Variants in JAKMIP3 observed in about 807,000 individuals in gnomAD.
The protein encoded by JAKMIP3 is Janus kinase and microtubule interacting protein 3.
JAKMIP3 carries 58 observed loss-of-function variants against 118.5 expected under a neutral mutation model. The ratio of observed to expected loss-of-function variants is 0.49; its 90% CI spans 0.40 to 0.61. The LOEUF (loss-of-function observed/expected upper bound fraction) is 0.61, where lower values mean the gene tolerates loss of function less well. Among genes scored for constraint, JAKMIP3 ranks in the 20% least tolerant of loss-of-function variants. JAKMIP3 has a pLI of 0.00. For synonymous variants in JAKMIP3, 486 were observed against 451.2 expected, an observed-to-expected ratio of 1.08 and a Z score of -0.98; for missense variants, 950 against 1,109.0, an observed-to-expected ratio of 0.86 and a Z score of 2.04.
chr10:132,152,659 G>T (rs1302084918), intron 16 of JAKMIP3, among the ~76,000 whole-genome samples: 1 of 152,204 alleles, frequency 6.6e-6, no homozygotes, highest in Non-Finnish European at 1.5e-5. Flanking sequence ...TGTATTGGTG[G>T]CCTGCCTGCA....
intron 23 of JAKMIP3, among the ~76,000 whole-genome samples, chr10:132,169,534 C>CG (rs1444152442): frequency 6.6e-6 from 1 of 152,106 alleles, no homozygotes; most frequent in East Asian, 1.9e-4. Flanking sequence ...TCCTCGCCAG[C>CG]GGGGTTCCCT....
intron 4 of JAKMIP3, among the ~76,000 whole-genome samples, chr10:132,133,732 C>T (rs1449772143): frequency 6.6e-6 from 1 of 152,246 alleles, no homozygotes; most frequent in Non-Finnish European, 1.5e-5. Flanking sequence ...GGACTCGTCT[C>T]CTTCCTTTCT....
rs533492134 is a variant in JAKMIP3, at chr10:132,129,525, A to G, written c.634-3787A>G. On this transcript the variant is annotated intron_variant, in intron 3 of 23. Coordinates refer to ENST00000684848, the MANE Select transcript of JAKMIP3 (RefSeq NM_001323087.2). Reference sequence around the variant, plus strand: ...CCCAGCTGCTGTGGCAGCCCCAACCAAATTCTGATCTTAGTGTCCTGCAAC... The same window carrying G: ...CCCAGCTGCTGTGGCAGCCCCAACCGAATTCTGATCTTAGTGTCCTGCAAC... Among the ~76,000 whole-genome samples, 4 of 152,190 alleles carry G rather than the reference A, an allele frequency of 2.6e-5. No individual in the cohort carries two copies. The East Asian group carries it at 7.7e-4, about 29-fold the overall frequency.
chr10:132,071,787 C>T (rs1314884080), intron 1 of JAKMIP3, among the ~76,000 whole-genome samples: 5 of 145,158 alleles, frequency 3.4e-5, no homozygotes, highest in African/African-American at 1.3e-4. Flanking sequence ...TTCTTTCTTT[C>T]CTTCCTTCCT....
rs1198227304 is a variant in JAKMIP3 at position 132,168,470 on chromosome 10, C to A, written c.*540C>A. On this transcript the variant is annotated 3_prime_UTR_variant, in exon 23 of 24. Coordinates refer to ENST00000684848, the MANE Select transcript of JAKMIP3 (RefSeq NM_001323087.2). ...CCCTGGGATGGTCCTGGGAGGGCTC[C>A]CCGACGCCTCAGGGGCCCCTCCGAT... 2.6e-6 allele frequency: 3 copies of A among 1,164,496 alleles called. No individual in the cohort carries two copies. The highest frequency in any genetic ancestry group is 3.4e-6 in the Non-Finnish European group (3 of 891,114). The allele number at this position is 1,164,496 out of a possible 1,614,324, so 72.1% of individuals were successfully genotyped here.
At chr10:132,123,250 T>C (rs1324864486) in intron 3 of JAKMIP3, among the ~76,000 whole-genome samples, 1 of 152,174 alleles carries the variant, frequency 6.6e-6, no homozygotes, top group Non-Finnish European at 1.5e-5. Flanking sequence ...GCGTGGCAGA[T>C]CTGTGCCATG....
At chr10:132,093,719 C>T (rs969417477) in intron 1 of JAKMIP3, among the ~76,000 whole-genome samples, 4 of 152,134 alleles carry the variant, frequency 2.6e-5, no homozygotes, top group African/African-American at 7.2e-5. Flanking sequence ...CTTCGGCTCA[C>T]GTTCGGTGGG....
intron 1 of JAKMIP3, among the ~76,000 whole-genome samples, chr10:132,091,401 G>T (rs541916490): frequency 8.9e-4 from 135 of 152,210 alleles, no homozygotes; most frequent in African/African-American, 3.1e-3. Context: ...TATTGTGTGG[G>T]AGTCTAAGTC....
At position 132,182,979 on chromosome 10, in the gene JAKMIP3, C is replaced by A. The variant is rs527980101; in HGVS notation, c.*1726C>A. On this transcript the variant is annotated 3_prime_UTR_variant, in exon 24 of 24. Coordinates refer to ENST00000684848, the MANE Select transcript of JAKMIP3 (RefSeq NM_001323087.2). ...TTCTGTTGTCATTCAAGCCACAGTT[C>A]CTGATTTACTCGGCAAGATACTGGG... 6.6e-6 allele frequency: 1 copy of A among 152,294 alleles called. No homozygotes were observed. The highest frequency in any genetic ancestry group is 1.9e-4 in the East Asian group (1 of 5,190). The allele number at this position is 152,294 out of a possible 1,614,324, so 9.4% of individuals were successfully genotyped here.
At chr10:132,147,091 G>A (rs1266444649) in intron 13 of JAKMIP3, among the ~76,000 whole-genome samples, 3 of 152,228 alleles carry the variant, frequency 2.0e-5, no homozygotes, top group African/African-American at 7.2e-5. Context: ...CTTTTTTCTG[G>A]CTACACTGGG....
intron 1 of JAKMIP3, among the ~76,000 whole-genome samples, chr10:132,097,129 G>A (rs1227187855): frequency 6.6e-6 from 1 of 152,248 alleles, no homozygotes; most frequent in East Asian, 1.9e-4. Flanking sequence ...ACCAAATACA[G>A]GCAAAGGTGT....
intron 10 of JAKMIP3, among the ~76,000 whole-genome samples, chr10:132,140,863 T>C (rs1037446636): frequency 1.3e-5 from 2 of 152,220 alleles, no homozygotes; most frequent in Admixed American, 6.5e-5. Flanking sequence ...CTTCTGCCAC[T>C]GAGCCTACGC....
intron 3 of JAKMIP3, among the ~76,000 whole-genome samples, chr10:132,120,137 C>T (rs1285087342): frequency 6.6e-6 from 1 of 152,240 alleles, no homozygotes; most frequent in Non-Finnish European, 1.5e-5. Context: ...GAAATCTTCT[C>T]TTGCCTATTT....
intron 5 of JAKMIP3, 122 bp downstream of exon 5, chr10:132,135,282 C>A: frequency 1.0e-6 from 1 of 980,616 alleles, no homozygotes; most frequent in Non-Finnish European, 1.5e-6. Flanking sequence ...ACCGGCCTTG[C>A]GTCGAAGTCT....
At chr10:132,173,704 G>A (rs1565007223) in intron 23 of JAKMIP3, among the ~76,000 whole-genome samples, 1 of 130,706 alleles carries the variant, frequency 7.7e-6, no homozygotes, top group African/African-American at 2.6e-5. Flanking sequence ...GTGGCCTGTG[G>A]TATGTTCATG....
At chr10:132,154,121 A>G in intron 19 of JAKMIP3, 131 bp downstream of exon 19, 2 of 706,150 alleles carry the variant, frequency 2.8e-6, no homozygotes, top group Admixed American at 2.6e-5. Context: ...GCCCCTAATG[A>G]CACCTGCACA....
intron 16 of JAKMIP3, among the ~76,000 whole-genome samples, chr10:132,151,196 A>G (rs1413026384): frequency 2.0e-5 from 3 of 151,964 alleles, no homozygotes; most frequent in Admixed American, 6.6e-5. Flanking sequence ...TAATTTATCT[A>G]TGCATCCTCC....
intron 3 of JAKMIP3, among the ~76,000 whole-genome samples, chr10:132,128,544 A>C (rs1254693790): frequency 2.0e-5 from 3 of 152,186 alleles, no homozygotes; most frequent in Non-Finnish European, 2.9e-5. Context: ...TATGTTAGAC[A>C]CTTTGACTAT....
At chr10:132,180,836 C>T (rs926580338) in intron 23 of JAKMIP3, among the ~76,000 whole-genome samples, 2 of 148,892 alleles carry the variant, frequency 1.3e-5, no homozygotes, top group African/African-American at 2.5e-5. Context: ...GTGTATATAT[C>T]GTGTGCATGT....
Sources: allele counts gnomAD v4.1 joint callset (sites outside exome capture counted in the v4.1 genomes callset), GRCh38; gene constraint gnomAD v4.1.1; transcripts MANE v1.5; gene names NCBI Gene and HGNC (gene_info 2026-07-23, HGNC 2026-07-21).